The following SEMA3C variants were observed in gnomAD, a reference collection of about 807,000 sequenced individuals.
The protein encoded by SEMA3C is semaphorin-3C.
A neutral mutation model predicts 89.4 loss-of-function variants in SEMA3C; 47 were observed. The observed-to-expected ratio is 0.53, with a 90% CI of 0.42 to 0.67. SEMA3C has a LOEUF of 0.67. Ranked by LOEUF, SEMA3C falls within the 30% of genes least tolerant of loss-of-function variation. The pLI is 0.00. For missense variants in SEMA3C, 839 were observed against 929.1 expected, an observed-to-expected ratio of 0.90 and a Z score of 1.26; for synonymous variants, 310 against 320.2, an observed-to-expected ratio of 0.97 and a Z score of 0.34.
intron 15 of SEMA3C, among the ~76,000 whole-genome samples, chr7:80,754,957 G>GTTTTTT (rs1368382376): frequency 9.2e-6 from 1 of 108,388 alleles, no homozygotes; most frequent in South Asian, 3.3e-4. Flanking sequence ...GTTTTTTTTT[G>GTTTTTT]TTTTTTTTTT....
At chr7:80,797,956 C>G in intron 11 of SEMA3C, 136 bp downstream of exon 11, 1 of 779,874 alleles carries the variant, frequency 1.3e-6, no homozygotes. Flanking sequence ...TGAGATTGCA[C>G]CACTACATTC....
At chr7:80,880,162 A>T (rs1200353198) in intron 2 of SEMA3C, among the ~76,000 whole-genome samples, 5 of 152,040 alleles carry the variant, frequency 3.3e-5, no homozygotes. Flanking sequence ...TCTTTGCTCA[A>T]ATCTCAACAT....
intron 15 of SEMA3C, among the ~76,000 whole-genome samples, chr7:80,752,039 C>T (rs922873966): frequency 6.6e-6 from 1 of 152,098 alleles, no homozygotes; most frequent in African/African-American, 2.4e-5. Flanking sequence ...TGCTGTGGAT[C>T]CACACCTATG....
At chr7:80,777,880 T>C (rs1290883247) in intron 12 of SEMA3C, among the ~76,000 whole-genome samples, 2 of 152,232 alleles carry the variant, frequency 1.3e-5, no homozygotes, top group East Asian at 3.8e-4. Context: ...TATGTTTTGA[T>C]TTAATTGAAG....
intron 2 of SEMA3C, among the ~76,000 whole-genome samples, chr7:80,874,791 C>G (rs890246894): frequency 2.6e-5 from 4 of 152,044 alleles, no homozygotes; most frequent in Non-Finnish European, 5.9e-5. Context: ...TTACTCTTCT[C>G]TCTTAGTTTC....
intron 2 of SEMA3C, among the ~76,000 whole-genome samples, chr7:80,833,164 G>T (rs565415561): frequency 3.9e-5 from 6 of 152,206 alleles, no homozygotes; most frequent in African/African-American, 1.4e-4. Flanking sequence ...GCCTGGCACG[G>T]TGGCTCATGC....
chr7:80,770,344 TG>T (rs1187753346), intron 12 of SEMA3C, among the ~76,000 whole-genome samples: 1 of 152,218 alleles, frequency 6.6e-6, no homozygotes, highest in Non-Finnish European at 1.5e-5. Context: ...GTTTTCCTTC[TG>T]GGGGTGGTGA....
rs762215939 is a variant in SEMA3C at position 80,765,726 on chromosome 7, G to A, written c.1355-483C>T. ...CGGGTATCTGGGATTACAGGTGCCC[G>A]CCACCACGCCTGGCTAATTTTTTGT... On this transcript the variant is annotated intron_variant, in intron 12 of 17. Coordinates refer to ENST00000265361, the MANE Select transcript of SEMA3C (RefSeq NM_006379.5). Among the ~76,000 whole-genome samples, 20 of 152,044 alleles carry A rather than the reference G, an allele frequency of 1.3e-4. No individual in the cohort carries two copies. In the Middle Eastern group the frequency reaches 0.014, roughly 103 times the overall value.
chr7:80,852,594 T>A (rs1790539203), intron 2 of SEMA3C, among the ~76,000 whole-genome samples: 1 of 151,922 alleles, frequency 6.6e-6, no homozygotes. Context: ...AAGGATTAAT[T>A]ACCAGAATAT....
rs114164900 is a variant in SEMA3C, at chr7:80,819,661, C to G, written c.328-1243G>C. On this transcript the variant is annotated intron_variant, in intron 4 of 17. Coordinates refer to ENST00000265361, the MANE Select transcript of SEMA3C (RefSeq NM_006379.5). Reference sequence around the variant, plus strand: ...CTCCTTTCTTCTCTTGTAGAAACTCCTTTCTCACTTGCTCCCAGTTCAAGT... The same window carrying G: ...CTCCTTTCTTCTCTTGTAGAAACTCGTTTCTCACTTGCTCCCAGTTCAAGT... 8.2e-3 allele frequency among the ~76,000 whole-genome samples: 1,242 copies of G among 152,298 alleles called. 14 individuals are homozygous for G. The highest frequency in any genetic ancestry group is 0.028 in the African/African-American group (1,172 of 41,552).
chr7:80,831,156 A>G (rs1790001271), intron 2 of SEMA3C, among the ~76,000 whole-genome samples: 1 of 152,218 alleles, frequency 6.6e-6, no homozygotes, highest in African/African-American at 2.4e-5. Flanking sequence ...TTGTGGAGTG[A>G]CATACACAGA....
intron 2 of SEMA3C, among the ~76,000 whole-genome samples, chr7:80,916,402 C>T: frequency 6.6e-6 from 1 of 152,076 alleles, no homozygotes; most frequent in Non-Finnish European, 1.5e-5. Flanking sequence ...GAGCTCGTGC[C>T]CATCTCCTCT....
At chr7:80,864,158 T>A (rs1247297334) in intron 2 of SEMA3C, among the ~76,000 whole-genome samples, 1 of 151,982 alleles carries the variant, frequency 6.6e-6, no homozygotes, top group South Asian at 2.1e-4. Context: ...AACCAAACTT[T>A]GTATGCTGTT....
intron 2 of SEMA3C, among the ~76,000 whole-genome samples, chr7:80,837,830 C>T (rs1790168711): frequency 6.6e-6 from 1 of 152,112 alleles, no homozygotes; most frequent in African/African-American, 2.4e-5. Context: ...TTTCTTTTCT[C>T]TTGAAGGCTG....
At chr7:80,814,850 A>ATTG (rs1789560406) in intron 5 of SEMA3C, among the ~76,000 whole-genome samples, 1 of 152,144 alleles carries the variant, frequency 6.6e-6, no homozygotes, top group South Asian at 2.1e-4. Flanking sequence ...CTCTGTCACC[A>ATTG]TTGCTATCAC....
intron 2 of SEMA3C, among the ~76,000 whole-genome samples, chr7:80,906,711 T>C (rs1465234102): frequency 2.0e-5 from 3 of 152,142 alleles, no homozygotes; most frequent in Non-Finnish European, 4.4e-5. Flanking sequence ...AGAAGAAATA[T>C]ACCAGTGTAG....
At chr7:80,899,175 C>T (rs183075039) in intron 2 of SEMA3C, among the ~76,000 whole-genome samples, 5 of 151,996 alleles carry the variant, frequency 3.3e-5, no homozygotes, top group Admixed American at 6.6e-5. Flanking sequence ...TGAGTAGCTG[C>T]GATTACAGGC....
chr7:80,779,637 C>A (rs1788647797), intron 12 of SEMA3C, among the ~76,000 whole-genome samples: 1 of 152,112 alleles, frequency 6.6e-6, no homozygotes, highest in Non-Finnish European at 1.5e-5. Flanking sequence ...TGAAAATGAT[C>A]TACCTAAAAA....
intron 12 of SEMA3C, among the ~76,000 whole-genome samples, chr7:80,780,078 C>T (rs1165280441): frequency 1.3e-5 from 2 of 152,188 alleles, no homozygotes; most frequent in Admixed American, 1.3e-4. Context: ...GCTAGCTAAG[C>T]AATCATCCTT....
Sources: gnomAD v4.1 joint callset for allele counts (sites outside exome capture counted in the v4.1 genomes callset) on GRCh38, gnomAD v4.1.1 for gene constraint, MANE v1.5 for transcripts, NCBI Gene and HGNC (gene_info 2026-07-23, HGNC 2026-07-21) for gene names.